The following LPO variants were observed in gnomAD, a reference collection of about 807,000 sequenced individuals.
LPO encodes the protein salivary peroxidase.
In LPO, 70 loss-of-function variants were observed where a neutral mutation model predicts 68.4. The ratio of observed to expected loss-of-function variants is 1.02; its 90% CI spans 0.84 to 1.25. The LOEUF is 1.25. Among genes scored for constraint, LPO ranks in the 50% most tolerant of loss-of-function variants. The pLI is 0.00. For missense variants in LPO, 873 were observed against 908.4 expected, an observed-to-expected ratio of 0.96 and a Z score of 0.50; for synonymous variants, 360 against 357.6, an observed-to-expected ratio of 1.01 and a Z score of -0.08.
intron 4 of LPO, among the ~76,000 whole-genome samples, chr17:58,248,261 G>C (rs900803878): frequency 6.6e-6 from 1 of 152,234 alleles, no homozygotes; most frequent in Non-Finnish European, 1.5e-5. Flanking sequence ...CATCAAGTGA[G>C]GGGGGATACC....
chr17:58,244,269 C>T (rs774293404), intron 3 of LPO, 188 bp downstream of exon 3: 174 of 607,404 alleles, frequency 2.9e-4, no homozygotes, highest in Middle Eastern at 8.7e-4. Flanking sequence ...CAATAGCCCA[C>T]AATTCCTAAA....
intron 9 of LPO, 70 bp downstream of exon 9, chr17:58,255,041 C>G (rs1436664559): frequency 1.3e-6 from 2 of 1,537,596 alleles, no homozygotes; most frequent in Non-Finnish European, 8.9e-7. Context: ...CCTCTGCTGG[C>G]TGCTGTGCCT....
intron 8 of LPO, among the ~76,000 whole-genome samples, chr17:58,252,838 A>G (rs1255186230): frequency 6.6e-6 from 1 of 152,010 alleles, no homozygotes. Context: ...CCTGGCTAAC[A>G]TGGTGAAACC....
At chr17:58,258,022 ATAT>A (rs1970102848) in intron 9 of LPO, among the ~76,000 whole-genome samples, 1 of 152,156 alleles carries the variant, frequency 6.6e-6, no homozygotes, top group Admixed American at 6.6e-5. Context: ...AGCTTCATAT[ATAT>A]TCTGGTTGTT....
At chr17:58,265,423 C>T (rs961253871) in intron 10 of LPO, among the ~76,000 whole-genome samples, 2 of 152,064 alleles carry the variant, frequency 1.3e-5, no homozygotes, top group African/African-American at 4.8e-5. Context: ...TATCCCTAGG[C>T]TATGTTGTGT....
intron 6 of LPO, among the ~76,000 whole-genome samples, chr17:58,249,981 T>C (rs1176388152): frequency 2.0e-5 from 3 of 151,704 alleles, no homozygotes; most frequent in Non-Finnish European, 4.4e-5. Context: ...CCCCCGCCCC[T>C]GGAGTGCATC....
At chr17:58,250,960 C>T in intron 7 of LPO, 1 of 301,064 alleles carries the variant, frequency 3.3e-6, no homozygotes, top group South Asian at 3.9e-5. Flanking sequence ...GACCCAGCAG[C>T]ATTGGTAAAA....
At chr17:58,255,523 C>T (rs1970054944) in intron 9 of LPO, among the ~76,000 whole-genome samples, 1 of 151,854 alleles carries the variant, frequency 6.6e-6, no homozygotes, top group African/African-American at 2.4e-5. Context: ...GATGAGACAA[C>T]AGGAGAGAAG....
At chr17:58,250,278 G>A in intron 6 of LPO, 137 bp from the exon 7 acceptor site, 1 of 713,432 alleles carries the variant, frequency 1.4e-6, no homozygotes, top group Non-Finnish European at 2.5e-6. Flanking sequence ...ATAGGCTAAT[G>A]CCACCCACCT....
chr17:58,244,891 C>T (rs1382696737), intron 3 of LPO, among the ~76,000 whole-genome samples: 1 of 152,228 alleles, frequency 6.6e-6, no homozygotes, highest in East Asian at 1.9e-4. Flanking sequence ...CCCTCCGATC[C>T]TGTACAGGGG....
intron 1 of LPO, chr17:58,242,769 C>T (rs1326633929): frequency 2.0e-6 from 1 of 506,846 alleles, no homozygotes; most frequent in Non-Finnish European, 3.5e-6. Flanking sequence ...CTTTCCCTTC[C>T]ACCATGTCTT....
chr17:58,265,015 C>T, intron 10 of LPO, 41 bp downstream of exon 10: 1 of 1,607,308 alleles, frequency 6.2e-7, no homozygotes, highest in South Asian at 1.1e-5. Flanking sequence ...GGGTCTCCCA[C>T]TCCGCAGCCT....
chr17:58,254,563 C>G (rs187463061), intron 8 of LPO: 2 of 367,626 alleles, frequency 5.4e-6, no homozygotes, highest in Non-Finnish European at 9.9e-6. Flanking sequence ...GTAAGGAGAC[C>G]GAGGCTCAGA....
chr17:58,247,603 G>A lies in LPO; in HGVS notation c.290G>A (p.Arg97Lys), dbSNP rs201351447. ...CAGGTGTGGGAGGAGTCTTTAAAGA[G>A]ACTGAGGCAGAAGGCATCCTTGACC... Reference protein sequence around the residue: ...NGQVWEESLKRLRQKASLTNV... With the variant: ...NGQVWEESLKKLRQKASLTNV... Residue 97 changes from arginine to lysine, a missense_variant, in exon 4 of 13, where the codon AGA (arginine) becomes AAA (lysine). Transcript: ENST00000262290. 1.2e-6 allele frequency: 2 copies of A among 1,614,140 alleles called. No individual in the cohort carries two copies. The highest frequency in any genetic ancestry group is 2.7e-5 in the African/African-American group (2 of 75,040).
rs1970039517 is a variant in LPO at position 58,254,841 on chromosome 17, T to G, written c.1136T>G (p.Leu379Arg). The change falls in exon 9 of 13, where the codon CTG (leucine) becomes CGG (arginine). Residue 379 changes from leucine to arginine, a missense_variant. Leu to Arg is a moderately radical substitution (Grantham distance 102, BLOSUM62 -2). Transcript: ENST00000262290. ...GDSRASEHIL[L>R]ATSHTLFLRE... ...TCTCGAGCCTCAGAGCATATTCTGC[T>G]GGCCACATCCCACACCCTCTTTCTC... 6.2e-7 allele frequency: 1 copy of G among 1,613,994 alleles called. No individual in the cohort carries two copies. Among genetic ancestry groups the G allele is most frequent in the South Asian group, 1.1e-5 (1 of 91,088 alleles).
chr17:58,267,863 G>A lies in LPO; in HGVS notation c.2008G>A (p.Val670Ile). ...SLQKMSFSRL[V>I]CDNTRITKVP... The stretch of plus-strand genomic sequence containing the variant: ...ACAGAAAATGTCCTTCTCACGCCTT[G>A]TCTGTGACAACACCCGCATCACCAA... The change falls in exon 13 of 13, where the codon GTC becomes ATC. Residue 670 changes from valine to isoleucine, a missense_variant. Coordinates refer to ENST00000262290, the MANE Select transcript of LPO (RefSeq NM_006151.3). 2 of 1,614,144 alleles carry A rather than the reference G, an allele frequency of 1.2e-6. No individual in the cohort carries two copies. The highest frequency in any genetic ancestry group is 2.2e-5 in the South Asian group (2 of 91,078).
intron 6 of LPO, among the ~76,000 whole-genome samples, 170 bp downstream of exon 6, chr17:58,249,865 G>A (rs903643178): frequency 6.6e-5 from 10 of 152,208 alleles, no homozygotes; most frequent in African/African-American, 1.4e-4. Context: ...CTCGGAGCCC[G>A]GAGCCCGGCC....
chr17:58,259,216 T>A (rs1567821727), intron 9 of LPO, among the ~76,000 whole-genome samples: 1 of 152,218 alleles, frequency 6.6e-6, no homozygotes, highest in Admixed American at 6.5e-5. Flanking sequence ...TATAGTTTTA[T>A]GTTTTACATT....
chr17:58,264,656 C>G, intron 9 of LPO, 66 bp from the exon 10 acceptor site: 1 of 1,565,266 alleles, frequency 6.4e-7, no homozygotes, highest in Non-Finnish European at 8.8e-7. Flanking sequence ...AGCTCTTTCA[C>G]AGCCTCCCTC....
Sources: allele counts gnomAD v4.1 joint callset (sites outside exome capture counted in the v4.1 genomes callset), GRCh38; gene constraint gnomAD v4.1.1; transcripts MANE v1.5; gene names NCBI Gene and HGNC (gene_info 2026-07-23, HGNC 2026-07-21).